Variants in GSTO2 observed in about 807,000 individuals in gnomAD.
GSTO2 encodes glutathione S-transferase omega-2.
GSTO2 carries 23 observed loss-of-function variants against 28.4 expected under a neutral mutation model. That is an observed-to-expected ratio of 0.81 (90% CI 0.58 to 1.15). The LOEUF (loss-of-function observed/expected upper bound fraction) is 1.15, where lower values mean the gene tolerates loss of function less well. GSTO2 is among the 50% of genes most tolerant of loss of function. The pLI is 0.00. For missense variants in GSTO2, 298 were observed against 297.8 expected (o/e 1.00, Z 0.00); for synonymous variants, 109 against 111.0 (o/e 0.98, Z 0.11).
chr10:104,276,037 A>C (rs994741235), intron 3 of GSTO2, among the ~76,000 whole-genome samples: 3 of 152,206 alleles, frequency 2.0e-5, no homozygotes, highest in African/African-American at 7.2e-5. Context: ...AGGGCAGAGC[A>C]GCTTTGCTGG....
intron 5 of GSTO2, among the ~76,000 whole-genome samples, chr10:104,291,911 T>C (rs1300567562): frequency 1.3e-5 from 2 of 152,230 alleles, no homozygotes; most frequent in East Asian, 3.9e-4. Context: ...CATGTTTGCA[T>C]TAGAAAGGAG....
rs2011546013 is a variant in GSTO2, at chr10:104,274,744, T to C, written c.-172T>C. 2.6e-6 allele frequency: 2 copies of C among 756,744 alleles called. No homozygotes were observed. The highest frequency in any genetic ancestry group is 3.3e-5 in the South Asian group (2 of 61,016). The allele number at this position is 756,744 out of a possible 1,614,324, so 46.9% of individuals were successfully genotyped here. Reference sequence around the variant, plus strand: ...TCTCCCCAGGTTAAATTACCCTAGCTCCTGCTCCAGATCGCTTCCCCGTGC... The same window carrying C: ...TCTCCCCAGGTTAAATTACCCTAGCCCCTGCTCCAGATCGCTTCCCCGTGC... On this transcript the variant is annotated 5_prime_UTR_variant, in exon 2 of 7. Coordinates refer to ENST00000338595, the MANE Select transcript of GSTO2 (RefSeq NM_183239.2).
chr10:104,289,219 C>T (rs771543606), intron 5 of GSTO2, among the ~76,000 whole-genome samples: 1 of 152,118 alleles, frequency 6.6e-6, no homozygotes, highest in African/African-American at 2.4e-5. Context: ...CTACCTTAGC[C>T]TCCTGAGTGT....
At chr10:104,288,267 T>A (rs1033600404) in intron 5 of GSTO2, 1 of 152,126 alleles carries the variant, frequency 6.6e-6, no homozygotes, top group Non-Finnish European at 1.5e-5. Context: ...TAATTAGGAG[T>A]GTTTAGATGG....
chr10:104,297,473 T>A, intron 5 of GSTO2, 105 bp from the exon 6 acceptor site: 2 of 684,950 alleles, frequency 2.9e-6, no homozygotes, highest in Non-Finnish European at 5.0e-6. Flanking sequence ...GAGAGAGGCC[T>A]CAGTTCTCCC....
intron 6 of GSTO2, among the ~76,000 whole-genome samples, chr10:104,298,687 A>G (rs1317447666): frequency 2.6e-5 from 4 of 152,188 alleles, no homozygotes; most frequent in Non-Finnish European, 4.4e-5. Flanking sequence ...TTATTCATTT[A>G]AAAAATGTTT....
chr10:104,293,270 C>T (rs2135137596), intron 5 of GSTO2, among the ~76,000 whole-genome samples: 1 of 152,212 alleles, frequency 6.6e-6, no homozygotes, highest in African/African-American at 2.4e-5. Flanking sequence ...TTGCTGGTTC[C>T]AAGCTTTTTT....
intron 5 of GSTO2, among the ~76,000 whole-genome samples, chr10:104,283,648 A>G (rs1359827331): frequency 6.6e-6 from 1 of 152,180 alleles, no homozygotes; most frequent in Non-Finnish European, 1.5e-5. Flanking sequence ...ACAAAGAATT[A>G]TAACTACAAT....
chr10:104,271,575 C>T (rs542943788), intron 1 of GSTO2, among the ~76,000 whole-genome samples: 3 of 152,334 alleles, frequency 2.0e-5, no homozygotes, highest in African/African-American at 7.2e-5. Context: ...CTCAAAAAGT[C>T]AGCCCATTGG....
intron 5 of GSTO2, among the ~76,000 whole-genome samples, chr10:104,282,315 A>G (rs917459956): frequency 6.6e-6 from 1 of 151,850 alleles, no homozygotes; most frequent in African/African-American, 2.4e-5. Context: ...CACTTTGAGA[A>G]GCCAAGACGG....
Position 104,278,041 on chromosome 10 carries a change from T to G in GSTO2, c.291T>G (p.Tyr97Ter), listed in dbSNP as rs761193920. Residue 97 changes from tyrosine (Y) to a stop codon, truncating the protein, a stop_gained, in exon 4 of 7, where the codon TAT becomes TAG. Coordinates refer to ENST00000338595, the MANE Select transcript of GSTO2 (RefSeq NM_183239.2). LOFTEE classifies it high-confidence loss of function. ...VIACEYLDDA[Y>*]PGRKLFPYDP... ...CTTGTGAGTACCTGGATGATGCTTA[T>G]CCAGGAAGGAAGCTGTTTCCATATG... 1 of 1,614,208 alleles carries G rather than the reference T, an allele frequency of 6.2e-7. No individual in the cohort carries two copies. The highest frequency in any genetic ancestry group is 1.1e-5 in the South Asian group (1 of 91,088).
intron 5 of GSTO2, among the ~76,000 whole-genome samples, chr10:104,294,405 G>A (rs191238034): frequency 2.1e-4 from 32 of 152,260 alleles, no homozygotes; most frequent in Middle Eastern, 6.8e-3. Flanking sequence ...CTCTCCTATC[G>A]AGAGTCCTGA....
At chr10:104,299,056 A>G in intron 6 of GSTO2, 72 bp from the exon 7 acceptor site, 2 of 1,398,004 alleles carry the variant, frequency 1.4e-6, no homozygotes, top group Non-Finnish European at 1.9e-6. Context: ...TTGCAAATCT[A>G]AAAAGCAACG....
chr10:104,271,005 T>A (rs1389912555), intron 1 of GSTO2, among the ~76,000 whole-genome samples: 2 of 152,236 alleles, frequency 1.3e-5, no homozygotes, highest in Non-Finnish European at 2.9e-5. Flanking sequence ...AGGTTTAATA[T>A]GGTCTACTTA....
chr10:104,278,146 T>A (rs773283209), intron 4 of GSTO2, 30 bp downstream of exon 4: 3 of 1,535,684 alleles, frequency 2.0e-6, no homozygotes, highest in South Asian at 2.3e-5. Flanking sequence ...TCACTCACAC[T>A]GTATTTTACT....
intron 5 of GSTO2, chr10:104,297,238 A>G (rs1368179220): frequency 5.4e-6 from 1 of 184,766 alleles, no homozygotes; most frequent in African/African-American, 2.4e-5. Context: ...GGCTCAGCTT[A>G]TCCTTGGAAG....
At chr10:104,284,971 T>C (rs2012328457) in intron 5 of GSTO2, among the ~76,000 whole-genome samples, 1 of 152,186 alleles carries the variant, frequency 6.6e-6, no homozygotes, top group South Asian at 2.1e-4. Context: ...TAAATAATGC[T>C]GAAATAGCCC....
In GSTO2 at chr10:104,277,980, C is replaced by G. The variant is rs757246997; in HGVS notation, c.230C>G (p.Thr77Ser). ...HPFGHIPVLETSQCQLIYESV... is the reference protein window; with the variant it reads ...HPFGHIPVLESSQCQLIYESV... ...TTTGGCCACATTCCTGTCCTGGAGA[C>G]CAGCCAATGTCAACTGATCTATGAA... Residue 77 changes from threonine (T) to serine (S), a missense_variant, in exon 4 of 7, where the codon ACC (threonine) becomes AGC (serine). Physicochemically the swap from Thr to Ser is moderately conservative, Grantham distance 58. Coordinates refer to ENST00000338595, the MANE Select transcript of GSTO2 (RefSeq NM_183239.2). 1.2e-6 allele frequency: 2 copies of G among 1,613,818 alleles called. No individual in the cohort carries two copies. Among genetic ancestry groups the G allele is most frequent in the South Asian group, 2.2e-5 (2 of 91,080 alleles).
rs201163607 is a variant in GSTO2 at position 104,299,304 on chromosome 10, C to T, written c.*20C>T. On this transcript the variant is annotated 3_prime_UTR_variant, in exon 7 of 7. Transcript: ENST00000338595. ...TGCTGAGTCTCACTGTCCACCCCTTCGCTGTCCAGAATTCCCCAGCTTGTT... is the reference window on the plus strand; with the variant it reads ...TGCTGAGTCTCACTGTCCACCCCTTTGCTGTCCAGAATTCCCCAGCTTGTT... 1.4e-5 allele frequency: 23 copies of T among 1,613,540 alleles called. 1 individual carries two copies. The highest frequency in any genetic ancestry group is 3.3e-4 in the Middle Eastern group (2 of 6,060).
Sources: gnomAD v4.1 joint callset for allele counts (sites outside exome capture counted in the v4.1 genomes callset) on GRCh38, gnomAD v4.1.1 for gene constraint, MANE v1.5 for transcripts, NCBI Gene and HGNC (gene_info 2026-07-23, HGNC 2026-07-21) for gene names.